NAALADL2: variants seen among roughly 807,000 people sequenced by gnomAD.
NAALADL2 encodes the protein inactive N-acetylated-alpha-linked acidic dipeptidase-like protein 2.
A neutral mutation model predicts 87.2 loss-of-function variants in NAALADL2; 76 were observed. The observed-to-expected ratio is 0.87, with a 90% CI of 0.72 to 1.05. The LOEUF is 1.05. Ranked by LOEUF, NAALADL2 falls within the 50% of genes least tolerant of loss-of-function variation. The pLI is 0.00. For synonymous variants in NAALADL2, 354 were observed against 331.0 expected, an observed-to-expected ratio of 1.07 and a Z score of -0.75; for missense variants, 1,089 against 945.8, an observed-to-expected ratio of 1.15 and a Z score of -1.99.
intron 10 of NAALADL2, among the ~76,000 whole-genome samples, chr3:175,608,052 A>G (rs2149663774): frequency 6.6e-6 from 1 of 151,888 alleles, no homozygotes; most frequent in Admixed American, 6.6e-5. Flanking sequence ...AACCTGGATT[A>G]GAATCCTATC....
At chr3:175,595,916 G>C (rs865929436) in intron 10 of NAALADL2, among the ~76,000 whole-genome samples, 1 of 151,714 alleles carries the variant, frequency 6.6e-6, no homozygotes, top group Non-Finnish European at 1.5e-5. Context: ...GAACCAAAGG[G>C]GAGCCTGAAT....
At chr3:175,143,034 T>A (rs748070867) in intron 2 of NAALADL2, among the ~76,000 whole-genome samples, 3 of 151,970 alleles carry the variant, frequency 2.0e-5, no homozygotes, top group Non-Finnish European at 4.4e-5. Flanking sequence ...TTGGAGCATG[T>A]GGTATTTGAC....
chr3:174,499,628 T>A (rs963859506), intron 1 of NAALADL2, among the ~76,000 whole-genome samples: 3 of 151,934 alleles, frequency 2.0e-5, no homozygotes, highest in Admixed American at 2.0e-4. Flanking sequence ...TTGCCTTTTC[T>A]TTTTGTGTAT....
chr3:175,371,872 A>G (rs1766549093), intron 5 of NAALADL2, among the ~76,000 whole-genome samples: 2 of 152,088 alleles, frequency 1.3e-5, no homozygotes, highest in African/African-American at 4.8e-5. Flanking sequence ...AAAATCTGTA[A>G]TACCTGGAAG....
intron 2 of NAALADL2, among the ~76,000 whole-genome samples, chr3:174,637,227 G>A (rs1470634134): frequency 6.6e-6 from 1 of 152,014 alleles, no homozygotes; most frequent in Non-Finnish European, 1.5e-5. Context: ...GAAGCATACA[G>A]TTAGATAGAA....
intron 9 of NAALADL2, among the ~76,000 whole-genome samples, chr3:175,493,339 C>G (rs541457251): frequency 2.7e-4 from 41 of 152,250 alleles, no homozygotes; most frequent in African/African-American, 9.4e-4. Context: ...TTTACCTTCT[C>G]TTGAAAACAA....
chr3:174,930,751 A>G (rs1270711613), intron 1 of NAALADL2, among the ~76,000 whole-genome samples: 2 of 149,804 alleles, frequency 1.3e-5, no homozygotes, highest in Non-Finnish European at 3.0e-5. Context: ...CCTCCCAAAT[A>G]GCTGGGACTA....
chr3:175,419,071 G>A (rs1444609142), intron 5 of NAALADL2, among the ~76,000 whole-genome samples: 1 of 150,726 alleles, frequency 6.6e-6, no homozygotes, highest in Non-Finnish European at 1.5e-5. Flanking sequence ...GTGTACTCTA[G>A]CTCACAGACC....
chr3:175,135,136 C>T (rs529135730), intron 2 of NAALADL2, among the ~76,000 whole-genome samples: 1 of 152,216 alleles, frequency 6.6e-6, no homozygotes, highest in East Asian at 1.9e-4. Flanking sequence ...TAATATCTCT[C>T]AACAGTTTAA....
intron 9 of NAALADL2, among the ~76,000 whole-genome samples, chr3:175,517,225 T>C (rs1047760697): frequency 4.6e-5 from 7 of 152,194 alleles, no homozygotes; most frequent in Admixed American, 1.3e-4. Context: ...CTCCAATTTA[T>C]CAGTAGGTGG....
intron 9 of NAALADL2, among the ~76,000 whole-genome samples, chr3:175,559,628 T>G (rs1715943898): frequency 6.6e-6 from 1 of 152,206 alleles, no homozygotes; most frequent in Non-Finnish European, 1.5e-5. Flanking sequence ...TACCAAGTTT[T>G]TTGACGGTTT....
intron 1 of NAALADL2, among the ~76,000 whole-genome samples, chr3:174,480,194 C>T (rs543197521): frequency 5.2e-4 from 79 of 152,184 alleles, no homozygotes; most frequent in Non-Finnish European, 8.8e-4. Flanking sequence ...AACAAGCAAA[C>T]GCTAAACAGA....
At chr3:175,133,126 CG>C (rs1728448987) in intron 2 of NAALADL2, among the ~76,000 whole-genome samples, 1 of 148,142 alleles carries the variant, frequency 6.8e-6, no homozygotes, top group Non-Finnish European at 1.5e-5. Context: ...AGACGATGGG[CG>C]GCCGGGCAGA....
rs753474431 is a variant in NAALADL2, at chr3:175,488,923, G to T, written c.1653+17165G>T. On this transcript the variant is annotated intron_variant, in intron 9 of 13. Transcript: ENST00000454872. ...CCAATCTGAATAGCTGGTGACAGTG[G>T]TTATTGGCATGAGCATGAAATGGCT... Among the ~76,000 whole-genome samples the T allele has an allele frequency of 2.1e-4, 32 of 152,284 alleles. 1 individual carries two copies. The highest frequency in any genetic ancestry group is 4.1e-4 in the Non-Finnish European group (28 of 68,024).
At chr3:174,441,843 T>C (rs1714669565) in intron 1 of NAALADL2, among the ~76,000 whole-genome samples, 1 of 152,012 alleles carries the variant, frequency 6.6e-6, no homozygotes, top group Non-Finnish European at 1.5e-5. Context: ...TTTCAACCTA[T>C]GGTCCTTAAG....
chr3:174,679,253 T>C (rs1727311546), intron 2 of NAALADL2, among the ~76,000 whole-genome samples: 1 of 152,160 alleles, frequency 6.6e-6, no homozygotes, highest in South Asian at 2.1e-4. Flanking sequence ...CACTACACTG[T>C]GGATATTATA....
chr3:175,712,761 G>A (rs1325562149), intron 11 of NAALADL2, among the ~76,000 whole-genome samples: 1 of 152,028 alleles, frequency 6.6e-6, no homozygotes, highest in African/African-American at 2.4e-5. Flanking sequence ...AAAACTGTTA[G>A]AAATAGGTGT....
intron 1 of NAALADL2, among the ~76,000 whole-genome samples, chr3:175,075,373 G>A (rs1003149591): frequency 6.6e-6 from 1 of 152,080 alleles, no homozygotes; most frequent in Admixed American, 6.5e-5. Context: ...TATATAAAAA[G>A]GAAACTACAA....
chr3:174,705,470 G>T (rs535666337), intron 2 of NAALADL2, among the ~76,000 whole-genome samples: 1 of 152,130 alleles, frequency 6.6e-6, no homozygotes, highest in Non-Finnish European at 1.5e-5. Flanking sequence ...CATTACCCAT[G>T]AAAGAAATAT....
Sources: gnomAD v4.1 joint callset for allele counts (sites outside exome capture counted in the v4.1 genomes callset) on GRCh38, gnomAD v4.1.1 for gene constraint, MANE v1.5 for transcripts, NCBI Gene and HGNC (gene_info 2026-07-23, HGNC 2026-07-21) for gene names.